Variants in ENOX2 observed in about 807,000 individuals in gnomAD.
ENOX2 encodes APK1 antigen.
ENOX2 carries 36 observed loss-of-function variants against 45.0 expected under a neutral mutation model. The observed-to-expected ratio is 0.80, with a 90% confidence interval of 0.61 to 1.06. The LOEUF (loss-of-function observed/expected upper bound fraction) is 1.06, where lower values mean the gene tolerates loss of function less well. Among genes scored for constraint, ENOX2 ranks in the 50% least tolerant of loss-of-function variants. The probability of loss-of-function intolerance (pLI) is 0.00; values close to 1 mark genes in which losing one functional copy is unlikely to be tolerated. For missense variants in ENOX2, 423 were observed against 462.5 expected (o/e 0.91, Z 0.78); for synonymous variants, 174 against 152.3 (o/e 1.14, Z -1.05).
chrX:130,825,855 AAAAG>A (rs969576232), intron 2 of ENOX2, among the ~76,000 whole-genome samples: 3 of 111,407 alleles, frequency 2.7e-5, no homozygotes, highest in Non-Finnish European at 3.8e-5. Context: ...GAGAGAGAGA[AAAAG>A]AGAGAGAGGG....
chrX:130,787,898 C>A (rs749593056), intron 2 of ENOX2, among the ~76,000 whole-genome samples: 6 of 111,596 alleles, frequency 5.4e-5, no homozygotes, highest in African/African-American at 2.0e-4. Context: ...TCGCTGAACA[C>A]AAACCCATAT....
intron 10 of ENOX2, chrX:130,645,792 G>A: frequency 1.2e-6 from 1 of 810,710 alleles, no homozygotes; most frequent in East Asian, 3.3e-5. Flanking sequence ...CCTGGTCTTT[G>A]GGCTGTCGCT....
chrX:130,898,094 G>A (rs955668020), intron 2 of ENOX2, among the ~76,000 whole-genome samples: 7 of 110,062 alleles, frequency 6.4e-5, no homozygotes, highest in Non-Finnish European at 9.5e-5. Flanking sequence ...TGCAACCTCC[G>A]CCTCCTGGGT....
At chrX:130,814,139 G>C (rs780740490) in intron 2 of ENOX2, among the ~76,000 whole-genome samples, 3 of 112,324 alleles carry the variant, frequency 2.7e-5, no homozygotes, top group Admixed American at 9.4e-5. Context: ...AGGTTCGAAG[G>C]GGGTGGAGCC....
In ENOX2 at chrX:130,879,843, A is replaced by G. The variant is rs935273364; in HGVS notation, c.-183+21841T>C. On this transcript the variant is annotated intron_variant, in intron 2 of 14. Coordinates refer to ENST00000394363, the MANE Select transcript of ENOX2 (RefSeq NM_006375.4). ...GACTGGTTTCCTAAACAAAGTAAAAATGTCACTGAAAATTGTAGATGTAGT... is the reference window on the plus strand; with the variant it reads ...GACTGGTTTCCTAAACAAAGTAAAAGTGTCACTGAAAATTGTAGATGTAGT... 4.5e-5 allele frequency among the ~76,000 whole-genome samples: 5 copies of G among 112,126 alleles called. No homozygotes were observed. In the East Asian group the frequency reaches 1.4e-3, roughly 32 times the overall value.
chrX:130,836,405 ACT>A (rs1273793234), intron 2 of ENOX2, among the ~76,000 whole-genome samples: 1 of 110,340 alleles, frequency 9.1e-6, no homozygotes, highest in Non-Finnish European at 1.9e-5. Context: ...ATGTAGGCAG[ACT>A]CTGATTTTTG....
intron 3 of ENOX2, among the ~76,000 whole-genome samples, chrX:130,705,120 A>C (rs2038002924): frequency 8.9e-6 from 1 of 112,094 alleles, no homozygotes; most frequent in South Asian, 3.7e-4. Context: ...GAGATTATTG[A>C]GTCTACACTC....
chrX:130,823,339 C>T (rs183347189), intron 2 of ENOX2, among the ~76,000 whole-genome samples: 21 of 111,506 alleles, frequency 1.9e-4, no homozygotes, highest in African/African-American at 6.8e-4. Flanking sequence ...GATAGGATGG[C>T]TGTTTCTGAT....
Position 130,783,693 on chromosome X carries a change from A to G in ENOX2, c.-182-3T>C. 3.4e-6 allele frequency: 1 copy of G among 295,551 alleles called. No homozygotes were observed. The highest frequency in any genetic ancestry group is 3.2e-5 in the South Asian group (1 of 31,717). 24.4% of individuals were successfully genotyped at this position (295,551 alleles called of 1,213,427 possible). On this transcript the variant is annotated splice_region_variant and splice_polypyrimidine_tract_variant and intron_variant, in intron 2 of 14. Transcript: ENST00000394363. ...GTCAAAGGGCAGCTGGTTCAATCCT[A>G]AAGAAGAAAAAGAAAGCCAAAGTCC...
chrX:130,819,092 G>A (rs1378317454), intron 2 of ENOX2, among the ~76,000 whole-genome samples: 1 of 112,129 alleles, frequency 8.9e-6, no homozygotes, highest in Non-Finnish European at 1.9e-5. Flanking sequence ...CTCAAAAGAA[G>A]ACATTTATGT....
chrX:130,769,895 TAC>T (rs2039699355), intron 3 of ENOX2, among the ~76,000 whole-genome samples: 7 of 112,518 alleles, frequency 6.2e-5, no homozygotes, highest in Admixed American at 5.6e-4. Context: ...GACAAATTTT[TAC>T]AGTCCTAAAT....
intron 6 of ENOX2, among the ~76,000 whole-genome samples, chrX:130,675,640 C>G (rs1047050636): frequency 2.7e-5 from 3 of 111,790 alleles, no homozygotes; most frequent in Non-Finnish European, 5.6e-5. Flanking sequence ...GAAGAGCATA[C>G]ACAATGTGTG....
At chrX:130,739,444 T>C (rs1221293025) in intron 3 of ENOX2, among the ~76,000 whole-genome samples, 1 of 112,577 alleles carries the variant, frequency 8.9e-6, no homozygotes, top group Non-Finnish European at 1.9e-5. Flanking sequence ...CAATTTACGA[T>C]GTGTTTATCG....
chrX:130,656,801 GA>G (rs927566906), intron 9 of ENOX2, 106 bp from the exon 10 acceptor site: 3 of 490,666 alleles, frequency 6.1e-6, no homozygotes, highest in Admixed American at 3.8e-5. Flanking sequence ...GACATATTAG[GA>G]AAAAAATCCT....
rs139458926 is a variant in ENOX2, at chrX:130,769,820, G to A, written c.-39+13727C>T. The stretch of plus-strand genomic sequence containing the variant: ...TGCTTCCAAATGGCTTGCATAAATA[G>A]GCTAAATATTGTCCTGAGAGCATTT... On this transcript the variant is annotated intron_variant, in intron 3 of 14. Transcript: ENST00000394363. 1.1e-4 allele frequency among the ~76,000 whole-genome samples: 12 copies of A among 112,356 alleles called. No homozygotes were observed. In the East Asian group the frequency reaches 3.4e-3, roughly 31 times the overall value.
At chrX:130,824,516 CTT>C (rs2148474354) in intron 2 of ENOX2, among the ~76,000 whole-genome samples, 1 of 111,752 alleles carries the variant, frequency 8.9e-6, no homozygotes, top group Non-Finnish European at 1.9e-5. Context: ...ATGATACTCT[CTT>C]TTACACAGTT....
At chrX:130,646,643 GTGAC>G (rs1348933483) in intron 10 of ENOX2, among the ~76,000 whole-genome samples, 2 of 112,472 alleles carry the variant, frequency 1.8e-5, no homozygotes, top group Admixed American at 9.3e-5. Flanking sequence ...ACAGGGACCT[GTGAC>G]TTGTGTTCGT....
At chrX:130,663,260 G>A (rs1288908748) in intron 9 of ENOX2, among the ~76,000 whole-genome samples, 1 of 112,324 alleles carries the variant, frequency 8.9e-6, no homozygotes, top group East Asian at 2.8e-4. Context: ...GCCAGGCATG[G>A]TGGCTCACGC....
At chrX:130,855,684 C>A (rs779660643) in intron 2 of ENOX2, among the ~76,000 whole-genome samples, 28 of 110,923 alleles carry the variant, frequency 2.5e-4, no homozygotes, top group Non-Finnish European at 4.7e-4. Context: ...AGACATGACA[C>A]CAAAGTACAA....
Sources: allele counts gnomAD v4.1 joint callset (sites outside exome capture counted in the v4.1 genomes callset), GRCh38; gene constraint gnomAD v4.1.1; transcripts MANE v1.5; gene names NCBI Gene and HGNC (gene_info 2026-07-23, HGNC 2026-07-21).